SMAD9: variants seen among roughly 807,000 people sequenced by gnomAD.
The protein encoded by SMAD9 is MAD homolog 9.
A neutral mutation model predicts 46.1 loss-of-function variants in SMAD9; 36 were observed. The ratio of observed to expected loss-of-function variants is 0.78; its 90% CI spans 0.60 to 1.03. SMAD9 has a LOEUF of 1.03. Among genes scored for constraint, SMAD9 ranks in the 50% least tolerant of loss-of-function variants. SMAD9 has a pLI of 0.00. For synonymous variants in SMAD9, 245 were observed against 237.1 expected, an observed-to-expected ratio of 1.03 and a Z score of -0.31; for missense variants, 572 against 599.8, an observed-to-expected ratio of 0.95 and a Z score of 0.48.
At position 36,851,728 on chromosome 13, in the gene SMAD9, TA is replaced by T. The variant is rs566607646; in HGVS notation, c.1260+1690del. ...AGCTACAGCTGCTCATCTCAAATGT[TA>T]AAAAAAAATGATCTATAGTTATATT... On this transcript the variant is annotated intron_variant, in intron 6 of 6. Transcript: ENST00000379826. 1,968 of 956,302 alleles carry T rather than the reference TA, an allele frequency of 2.1e-3. 14 individuals carry two copies. Among genetic ancestry groups the T allele is most frequent in the African/African-American group, 0.02 (1,122 of 56,518 alleles). 59.2% of individuals were successfully genotyped at this position (956,302 alleles called of 1,614,324 possible).
At chr13:36,916,491 A>G (rs2058699347) in intron 1 of SMAD9, among the ~76,000 whole-genome samples, 1 of 152,182 alleles carries the variant, frequency 6.6e-6, no homozygotes, top group Admixed American at 6.5e-5. Context: ...TTCTTGAAAG[A>G]TGGACTTTAT....
chr13:36,886,568 C>G (rs2058446708), intron 1 of SMAD9, among the ~76,000 whole-genome samples: 1 of 152,356 alleles, frequency 6.6e-6, no homozygotes, highest in Non-Finnish European at 1.5e-5. Context: ...CAGCAAATGG[C>G]CCTGATATGA....
intron 2 of SMAD9, among the ~76,000 whole-genome samples, chr13:36,876,643 T>C (rs2058348023): frequency 6.6e-6 from 1 of 152,174 alleles, no homozygotes; most frequent in South Asian, 2.1e-4. Context: ...AAATAAAAAC[T>C]GATCCCTCAC....
At chr13:36,878,387 A>G (rs1158983112) in intron 2 of SMAD9, among the ~76,000 whole-genome samples, 1 of 152,202 alleles carries the variant, frequency 6.6e-6, no homozygotes. Flanking sequence ...TACAGTATTT[A>G]GTACAGTAGC....
intron 1 of SMAD9, among the ~76,000 whole-genome samples, chr13:36,887,977 G>C (rs2058461125): frequency 6.6e-6 from 1 of 152,116 alleles, no homozygotes; most frequent in African/African-American, 2.4e-5. Flanking sequence ...GTTCTGCATA[G>C]AAAACAAAAG....
intron 2 of SMAD9, 122 bp downstream of exon 2, chr13:36,879,156 C>CCCCT (rs1555241386): frequency 6.9e-6 from 6 of 870,022 alleles, no homozygotes; most frequent in Non-Finnish European, 1.1e-5. Flanking sequence ...ACCTCCCTCT[C>CCCCT]CTCTCTTCTC....
chr13:36,909,972 T>C (rs1052211810), intron 1 of SMAD9, among the ~76,000 whole-genome samples: 1 of 151,754 alleles, frequency 6.6e-6, no homozygotes, highest in Non-Finnish European at 1.5e-5. Flanking sequence ...CCGAGGCGGG[T>C]GGATCACGAG....
intron 6 of SMAD9, among the ~76,000 whole-genome samples, chr13:36,850,922 G>A (rs1011085302): frequency 2.6e-5 from 4 of 151,952 alleles, no homozygotes; most frequent in African/African-American, 9.7e-5. Context: ...TTTCTCCCAC[G>A]CCTGATCCGC....
intron 6 of SMAD9, among the ~76,000 whole-genome samples, chr13:36,852,735 GA>G (rs761412426): frequency 8.5e-5 from 13 of 152,170 alleles, no homozygotes; most frequent in Non-Finnish European, 1.6e-4. Context: ...AGAGTAAGGA[GA>G]GTATCTTACT....
In SMAD9 at chr13:36,865,689, C is replaced by A. The variant is rs371433324; in HGVS notation, c.851G>T (p.Arg284Leu). The part of the protein sequence containing the change: ...CSVAYYELNN[R>L]VGETFQASSR... The stretch of plus-strand genomic sequence containing the variant: ...GGAAGCCTGGAATGTCTCCCCAACT[C>A]GGTTGTTCAGTTCATAGTAGGCGAC... The change falls in exon 5 of 7, where the codon CGA (arginine) becomes CTA (leucine). Residue 284 changes from arginine (R) to leucine (L), a missense_variant. By Grantham distance (102) the Arg-to-Leu change is moderately radical. Coordinates refer to ENST00000379826, the MANE Select transcript of SMAD9 (RefSeq NM_001127217.3). 28 of 1,613,982 alleles carry A rather than the reference C, an allele frequency of 1.7e-5. No homozygotes were observed. Among genetic ancestry groups the A allele is most frequent in the Non-Finnish European group, 2.4e-5 (28 of 1,180,012 alleles).
At chr13:36,882,901 C>G (rs1318430351) in intron 1 of SMAD9, among the ~76,000 whole-genome samples, 2 of 152,178 alleles carry the variant, frequency 1.3e-5, no homozygotes, top group Non-Finnish European at 2.9e-5. Flanking sequence ...AGGTTTGACT[C>G]TGCAGTGAGC....
rs1377662866 is a variant in SMAD9 at position 36,858,913 on chromosome 13, T to C, written c.1004-5238A>G. On this transcript the variant is annotated intron_variant, in intron 5 of 6. Coordinates refer to ENST00000379826, the MANE Select transcript of SMAD9 (RefSeq NM_001127217.3). ...TTTTTGTAGTGACAGGGTCTCACCA[T>C]GTTGCCCACCTGGTCATGAACTCCT... Among the ~76,000 whole-genome samples, 3 of 152,306 alleles carry C rather than the reference T, an allele frequency of 2.0e-5. No individual in the cohort carries two copies. The East Asian group carries it at 5.8e-4, about 29-fold the overall frequency.
chr13:36,897,329 T>C (rs567694608), intron 1 of SMAD9, among the ~76,000 whole-genome samples: 570 of 152,324 alleles, frequency 3.7e-3, no homozygotes, highest in South Asian at 0.016. Context: ...ACAAAAAATA[T>C]AGCATTAGTT....
intron 5 of SMAD9, among the ~76,000 whole-genome samples, chr13:36,855,895 G>A (rs560608566): frequency 1.3e-5 from 2 of 152,336 alleles, no homozygotes; most frequent in African/African-American, 4.8e-5. Flanking sequence ...GTCCACGACT[G>A]TCCTGTCACT....
At chr13:36,912,898 T>A (rs2058672257) in intron 1 of SMAD9, among the ~76,000 whole-genome samples, 1 of 152,102 alleles carries the variant, frequency 6.6e-6, no homozygotes, top group Admixed American at 6.5e-5. Flanking sequence ...CATCCCCAGG[T>A]ATCTATGGGG....
intron 1 of SMAD9, among the ~76,000 whole-genome samples, chr13:36,890,850 T>C (rs2058483700): frequency 6.6e-6 from 1 of 151,228 alleles, no homozygotes; most frequent in South Asian, 2.1e-4. Context: ...TCAAAATCAA[T>C]GCAGTTCAGC....
At chr13:36,919,243 C>T (rs1260714859) in intron 1 of SMAD9, among the ~76,000 whole-genome samples, 4 of 152,276 alleles carry the variant, frequency 2.6e-5, no homozygotes, top group Middle Eastern at 3.4e-3. Context: ...AACGGGAAAA[C>T]TTGTCAGCGA....
intron 1 of SMAD9, among the ~76,000 whole-genome samples, chr13:36,884,642 A>C (rs2058430067): frequency 6.6e-6 from 1 of 152,216 alleles, no homozygotes; most frequent in Non-Finnish European, 1.5e-5. Context: ...GGGTAACAGT[A>C]CAGGAGACAT....
intron 1 of SMAD9, among the ~76,000 whole-genome samples, chr13:36,912,118 T>C (rs1172029005): frequency 6.6e-6 from 1 of 152,214 alleles, no homozygotes; most frequent in East Asian, 1.9e-4. Flanking sequence ...ACCACTTGAA[T>C]TTGTCTTCAC....
Sources: gnomAD v4.1 joint callset for allele counts (sites outside exome capture counted in the v4.1 genomes callset) on GRCh38, gnomAD v4.1.1 for gene constraint, MANE v1.5 for transcripts, NCBI Gene and HGNC (gene_info 2026-07-23, HGNC 2026-07-21) for gene names.